The following TMEM232 variants were observed in gnomAD, a reference collection of about 807,000 sequenced individuals.
TMEM232 encodes the protein transmembrane protein 232.
In TMEM232, 80 loss-of-function variants were observed where a neutral mutation model predicts 78.8. The observed-to-expected ratio is 1.01, with a 90% CI of 0.85 to 1.22. The LOEUF (loss-of-function observed/expected upper bound fraction) is 1.22. Among genes scored for constraint, TMEM232 ranks in the 50% most tolerant of loss-of-function variants. TMEM232 has a pLI of 0.00. For synonymous variants in TMEM232, 297 were observed against 254.3 expected (o/e 1.17, Z -1.60); for missense variants, 881 against 742.2 (o/e 1.19, Z -2.17).
At chr5:110,404,108 C>T (rs547265745) in intron 2 of TMEM232, among the ~76,000 whole-genome samples, 31 of 152,018 alleles carry the variant, frequency 2.0e-4, no homozygotes, top group Admixed American at 3.9e-4. Flanking sequence ...CCCATCTCGC[C>T]ATTTTTATTT....
chr5:110,394,735 A>C (rs551130043), intron 3 of TMEM232, among the ~76,000 whole-genome samples: 1 of 152,284 alleles, frequency 6.6e-6, no homozygotes, highest in African/African-American at 2.4e-5. Context: ...ATGTGTTTGT[A>C]TAATTTCCAA....
chr5:110,580,755 T>A (rs975038978), intron 10 of TMEM232, among the ~76,000 whole-genome samples: 1 of 150,966 alleles, frequency 6.6e-6, no homozygotes, highest in African/African-American at 2.4e-5. Flanking sequence ...CAAGTACACA[T>A]AAAAATTTCT....
rs558705662 is a variant in TMEM232 at position 110,484,371 on chromosome 5, A to G, written c.1703+44217T>C. The stretch of plus-strand genomic sequence containing the variant: ...AATGTTTAAAGAGTTTAATGCACTA[A>G]AAAAATACCTATTTAACAAAAAAGG... On this transcript the variant is annotated intron_variant, in intron 12 of 13. Transcript: ENST00000455884. 3.1e-3 allele frequency among the ~76,000 whole-genome samples: 465 copies of G among 152,224 alleles called. 3 individuals are homozygous for G. The highest frequency in any genetic ancestry group is 0.011 in the African/African-American group (444 of 41,560).
intron 8 of TMEM232, chr5:110,610,482 T>A (rs1043147534): frequency 3.8e-5 from 17 of 447,278 alleles, no homozygotes; most frequent in South Asian, 2.6e-4. Context: ...ACATATGAAC[T>A]ATGAGTAGTC....
intron 12 of TMEM232, among the ~76,000 whole-genome samples, chr5:110,499,126 C>A (rs1169702428): frequency 6.6e-6 from 1 of 151,798 alleles, no homozygotes; most frequent in Non-Finnish European, 1.5e-5. Flanking sequence ...TTCATTAATG[C>A]AAAATAAGAT....
intron 12 of TMEM232, among the ~76,000 whole-genome samples, chr5:110,480,819 C>T (rs1465048240): frequency 6.6e-6 from 1 of 151,978 alleles, no homozygotes; most frequent in Admixed American, 6.6e-5. Context: ...TGTATTTATA[C>T]AAGAAACATA....
intron 8 of TMEM232, among the ~76,000 whole-genome samples, chr5:110,612,029 G>A (rs1316581759): frequency 1.3e-5 from 2 of 152,094 alleles, no homozygotes; most frequent in African/African-American, 4.8e-5. Context: ...GAGCCTGACT[G>A]GGGGAAAAAT....
chr5:110,500,237 C>T (rs1472232898), intron 12 of TMEM232, among the ~76,000 whole-genome samples: 5 of 139,300 alleles, frequency 3.6e-5, no homozygotes, highest in African/African-American at 1.1e-4. Flanking sequence ...TGCAGTGAGC[C>T]GAGACTGCGC....
intron 12 of TMEM232, among the ~76,000 whole-genome samples, chr5:110,495,666 A>C (rs2149430611): frequency 6.6e-6 from 1 of 151,988 alleles, no homozygotes; most frequent in South Asian, 2.1e-4. Flanking sequence ...ATAAATACAA[A>C]CCAAAATTGA....
At chr5:110,575,052 G>C (rs115488231) in intron 10 of TMEM232, among the ~76,000 whole-genome samples, 2,953 of 152,072 alleles carry the variant, frequency 0.019, 90 homozygotes, top group African/African-American at 0.068. Context: ...GACAACAATA[G>C]AGATAGGGGT....
chr5:110,633,296 T>G (rs562348636), intron 5 of TMEM232, among the ~76,000 whole-genome samples: 2 of 152,006 alleles, frequency 1.3e-5, no homozygotes, highest in South Asian at 4.2e-4. Flanking sequence ...TACGAAAGTA[T>G]AAAACTCATG....
intron 12 of TMEM232, among the ~76,000 whole-genome samples, chr5:110,438,537 C>T (rs755712359): frequency 6.6e-6 from 1 of 151,924 alleles, no homozygotes; most frequent in Non-Finnish European, 1.5e-5. Context: ...CTATAAGGTT[C>T]TTTTATTTTC....
chr5:110,410,170 C>T (rs1182139535), intron 2 of TMEM232, among the ~76,000 whole-genome samples: 1 of 150,714 alleles, frequency 6.6e-6, no homozygotes, highest in Non-Finnish European at 1.5e-5. Flanking sequence ...CACCAAGTTC[C>T]AGCATGGAAC....
chr5:110,583,411 C>T (rs1778425973), intron 10 of TMEM232, among the ~76,000 whole-genome samples: 1 of 151,804 alleles, frequency 6.6e-6, no homozygotes, highest in African/African-American at 2.4e-5. Context: ...GTCTCTTCAA[C>T]AAATGGTGTT....
chr5:110,456,737 A>G (rs1760954195), intron 12 of TMEM232, among the ~76,000 whole-genome samples: 1 of 152,168 alleles, frequency 6.6e-6, no homozygotes, highest in Admixed American at 6.5e-5. Flanking sequence ...AGTCAACTGC[A>G]TTTTGACAAG....
intron 11 of TMEM232, among the ~76,000 whole-genome samples, chr5:110,564,239 T>G (rs527723615): frequency 1.5e-4 from 23 of 152,058 alleles, no homozygotes; most frequent in African/African-American, 5.3e-4. Flanking sequence ...AAAATATGTA[T>G]TTCCTGATTA....
chr5:110,394,714 G>A (rs976170065), intron 3 of TMEM232, among the ~76,000 whole-genome samples: 8 of 152,150 alleles, frequency 5.3e-5, no homozygotes, highest in Non-Finnish European at 1.2e-4. Context: ...GGAGCATATT[G>A]TTTAATTTCC....
intron 12 of TMEM232, among the ~76,000 whole-genome samples, chr5:110,446,761 AATAG>A (rs1304239734): frequency 1.3e-5 from 2 of 152,178 alleles, no homozygotes; most frequent in African/African-American, 2.4e-5. Context: ...TATTGCTAAT[AATAG>A]ATAGGGACAA....
At chr5:110,584,312 C>T (rs1778553868) in intron 10 of TMEM232, among the ~76,000 whole-genome samples, 1 of 151,674 alleles carries the variant, frequency 6.6e-6, no homozygotes. Flanking sequence ...GAAATATATT[C>T]ACACCAAGAA....
Sources: allele counts gnomAD v4.1 joint callset (sites outside exome capture counted in the v4.1 genomes callset), GRCh38; gene constraint gnomAD v4.1.1; transcripts MANE v1.5; gene names NCBI Gene and HGNC (gene_info 2026-07-23, HGNC 2026-07-21).